Variants in CFAP57 observed in about 807,000 individuals in gnomAD.
CFAP57 encodes cilia and flagella associated protein 57, also known as cilia- and flagella-associated protein 57.
In CFAP57, 116 loss-of-function variants were observed where a neutral mutation model predicts 146.8. The observed-to-expected ratio is 0.79, with a 90% confidence interval of 0.68 to 0.92. CFAP57 has a LOEUF of 0.92. Among genes scored for constraint, CFAP57 ranks in the 40% least tolerant of loss-of-function variants. The pLI is 0.00. For missense variants in CFAP57, 1,377 were observed against 1,527.2 expected, an observed-to-expected ratio of 0.90 and a Z score of 1.64; for synonymous variants, 518 against 552.8, an observed-to-expected ratio of 0.94 and a Z score of 0.88.
intron 2 of CFAP57, among the ~76,000 whole-genome samples, chr1:43,173,923 T>C (rs1039001524): frequency 1.3e-5 from 2 of 152,196 alleles, no homozygotes; most frequent in African/African-American, 4.8e-5. Context: ...TGCCAACCCT[T>C]GGTATTGTCC....
chr1:43,219,035 G>C (rs1352151578), intron 12 of CFAP57, among the ~76,000 whole-genome samples: 1 of 152,208 alleles, frequency 6.6e-6, no homozygotes, highest in Non-Finnish European at 1.5e-5. Flanking sequence ...AAGAAGTAGA[G>C]CAGAGTAAGA....
At position 43,219,533 on chromosome 1, in the gene CFAP57, A is replaced by T; in HGVS notation, c.2243A>T (p.Asn748Ile). ...GAAATGGAGTCCTTGAAAACAAAAA[A>T]CCAGGTCTGTTTAAGAGACTGACCA... ...IQEMESLKTKNQVLRTEKEKQ... is the reference protein window; with the variant it reads ...IQEMESLKTKIQVLRTEKEKQ... The change falls in exon 13 of 23, where the codon AAC becomes ATC. Residue 748 changes from asparagine (N) to isoleucine (I), a missense_variant. Coordinates refer to ENST00000372492, the MANE Select transcript of CFAP57 (RefSeq NM_001378189.1). The T allele has an allele frequency of 6.4e-7, 1 of 1,550,498 alleles. No homozygotes were observed.
At chr1:43,184,920 C>T (rs977215317) in intron 4 of CFAP57, 7 of 521,114 alleles carry the variant, frequency 1.3e-5, no homozygotes, top group African/African-American at 9.6e-5. Flanking sequence ...TCCTCTACAA[C>T]TCTCGCCTCT....
rs780257889 is a variant in CFAP57, at chr1:43,234,575, T to C, written c.3342T>C (p.Thr1114=). 5.8e-6 allele frequency: 9 copies of C among 1,550,272 alleles called. No individual in the cohort carries two copies. Among genetic ancestry groups the C allele is most frequent in the East Asian group, 2.4e-5 (1 of 40,906 alleles). The change falls in exon 21 of 23, where the codon ACT becomes ACC. Residue 1114 remains threonine (T), a synonymous_variant. Transcript: ENST00000372492. Reference sequence around the variant, plus strand: ...AGCACCTGGAGAGGAACCTGGCCACTCTCAAGAAGAAGGTGGTCAAGGAGG... The same window carrying C: ...AGCACCTGGAGAGGAACCTGGCCACCCTCAAGAAGAAGGTGGTCAAGGAGG... The part of the protein sequence containing the change: ...QREHLERNLA[T]LKKKVVKEGE...
rs1190648434 is a variant in CFAP57, at chr1:43,202,782, C to CA, written c.1542+3289dup. Among the ~76,000 whole-genome samples, 973 of 124,812 alleles carry CA rather than the reference C, an allele frequency of 7.8e-3. 11 individuals are homozygous for CA. Among genetic ancestry groups the CA allele is most frequent in the African/African-American group, 0.027 (871 of 32,560 alleles). The allele number at this position is 124,812 out of a possible 152,430, so 81.9% of individuals were successfully genotyped here. Reference sequence around the variant, plus strand: ...TGGGTAACAGAGTGAGACCCTACCTCAAAAAAAAAACAAAATGAAAAAAAA... The same window carrying CA: ...TGGGTAACAGAGTGAGACCCTACCTCAAAAAAAAAAACAAAATGAAAAAAAA... On this transcript the variant is annotated intron_variant, in intron 9 of 22. Transcript: ENST00000372492.
At chr1:43,213,173 C>T (rs529326464) in intron 11 of CFAP57, among the ~76,000 whole-genome samples, 8 of 152,176 alleles carry the variant, frequency 5.3e-5, no homozygotes, top group African/African-American at 1.4e-4. Flanking sequence ...CTGCAACCAC[C>T]GCCTCCTGGG....
intron 21 of CFAP57, among the ~76,000 whole-genome samples, chr1:43,235,127 T>C (rs1408828193): frequency 1.3e-5 from 2 of 152,176 alleles, no homozygotes; most frequent in Non-Finnish European, 2.9e-5. Context: ...ACGCCTCATC[T>C]GATTTTTCTG....
At chr1:43,192,538 G>A (rs563060226) in intron 6 of CFAP57, among the ~76,000 whole-genome samples, 8 of 152,138 alleles carry the variant, frequency 5.3e-5, no homozygotes, top group East Asian at 1.9e-4. Context: ...CAGGAGAATC[G>A]CTTGAACCCA....
At position 43,173,055 on chromosome 1, in the gene CFAP57, C is replaced by A. The variant is rs1645038275; in HGVS notation, c.157+145C>A. ...TAAATGTAGAGGAAATAAATGGCGA[C>A]TTGTATTATGAAACTAGATTAATCA... On this transcript the variant is annotated intron_variant, in intron 2 of 22. Coordinates refer to ENST00000372492, the MANE Select transcript of CFAP57 (RefSeq NM_001378189.1). The A allele has an allele frequency of 2.5e-5, 18 of 708,914 alleles. No homozygotes were observed. In the South Asian group the frequency reaches 2.8e-4, roughly 11 times the overall value. The allele number at this position is 708,914 out of a possible 1,614,324, so 43.9% of individuals were successfully genotyped here.
At position 43,210,434 on chromosome 1, in the gene CFAP57, G is replaced by A. The variant is rs1175094696; in HGVS notation, c.1929+518G>A. The stretch of plus-strand genomic sequence containing the variant: ...ATGTGGAAGCAACCAAGCATCCATC[G>A]ACAGACGAATGCATAAGCAAAAGAT... On this transcript the variant is annotated intron_variant, in intron 11 of 22. Transcript: ENST00000372492. 18 of 1,143,992 alleles carry A rather than the reference G, an allele frequency of 1.6e-5. No individual in the cohort carries two copies. The East Asian group carries it at 2.7e-4, about 17-fold the overall frequency. 70.9% of individuals were successfully genotyped at this position (1,143,992 alleles called of 1,614,324 possible).
intron 22 of CFAP57, among the ~76,000 whole-genome samples, chr1:43,248,184 A>T (rs914981805): frequency 6.6e-5 from 10 of 151,654 alleles, no homozygotes; most frequent in African/African-American, 1.2e-4. Flanking sequence ...CCAGGACAAA[A>T]ATTCATCATA....
At position 43,185,283 on chromosome 1, in the gene CFAP57, C is replaced by T. The variant is rs1331230385; in HGVS notation, c.896C>T (p.Ala299Val). 1 of 1,613,968 alleles carries T rather than the reference C, an allele frequency of 6.2e-7. No homozygotes were observed. The highest frequency in any genetic ancestry group is 1.3e-5 in the African/African-American group (1 of 74,880). Residue 299 changes from alanine to valine, a missense_variant, in exon 5 of 23, where the codon GCT (alanine) becomes GTT (valine). Coordinates refer to ENST00000372492, the MANE Select transcript of CFAP57 (RefSeq NM_001378189.1). ...TATTCAAAGGGATTTGCCTGTTCTG[C>T]TGGGCCAGGGAGAGTTCTGCTGTTT... ...AAYSKGFACS[A>V]GPGRVLLFEK...
intron 14 of CFAP57, 35 bp downstream of exon 14, chr1:43,221,500 T>C (rs1240043488): frequency 1.4e-6 from 2 of 1,413,590 alleles, no homozygotes; most frequent in Middle Eastern, 1.8e-4. Flanking sequence ...TTGGTTAGGG[T>C]TGGAAGAGCT....
rs541261430 is a variant in CFAP57, at chr1:43,187,196, A to G, written c.1122+337A>G. Among the ~76,000 whole-genome samples, 41 of 152,342 alleles carry G rather than the reference A, an allele frequency of 2.7e-4. 1 individual carries two copies. The South Asian group carries it at 7.5e-3, about 28-fold the overall frequency. Reference sequence around the variant, plus strand: ...TGTACACAAATATGTATATATAAAAATGTTTCTTTTTCCTTTTTACTGTTT... The same window carrying G: ...TGTACACAAATATGTATATATAAAAGTGTTTCTTTTTCCTTTTTACTGTTT... On this transcript the variant is annotated intron_variant, in intron 6 of 22. Coordinates refer to ENST00000372492, the MANE Select transcript of CFAP57 (RefSeq NM_001378189.1).
At chr1:43,196,825 TA>T (rs1474466309) in intron 6 of CFAP57, among the ~76,000 whole-genome samples, 1 of 152,204 alleles carries the variant, frequency 6.6e-6, no homozygotes, top group African/African-American at 2.4e-5. Flanking sequence ...TCCAGATCCT[TA>T]AAAATCATTC....
chr1:43,223,006 C>A lies in CFAP57; in HGVS notation c.2706+9C>A. 6.5e-7 allele frequency: 1 copy of A among 1,545,276 alleles called. No homozygotes were observed. The highest frequency in any genetic ancestry group is 8.7e-7 in the Non-Finnish European group (1 of 1,144,224). ...GCATCATGAGGAAGAAGGTAGCAGG[C>A]TGTTCTCCAAGAGACCTAGGGTGGG... On this transcript the variant is annotated intron_variant, in intron 16 of 22. Coordinates refer to ENST00000372492, the MANE Select transcript of CFAP57 (RefSeq NM_001378189.1).
chr1:43,243,429 TC>T, intron 22 of CFAP57, 70 bp downstream of exon 22: 1 of 1,421,480 alleles, frequency 7.0e-7, no homozygotes, highest in Admixed American at 2.7e-5. Flanking sequence ...CAGGCAGGTC[TC>T]CCTTTGGCTT....
chr1:43,232,634 T>C lies in CFAP57; in HGVS notation c.3126+10T>C, dbSNP rs765039099. 6.7e-5 allele frequency: 101 copies of C among 1,513,694 alleles called. No individual in the cohort carries two copies. Among genetic ancestry groups the C allele is most frequent in the Non-Finnish European group, 8.7e-5 (98 of 1,120,880 alleles). The allele number at this position is 1,513,694 out of a possible 1,614,324, so 93.8% of individuals were successfully genotyped here. A position where few individuals can be genotyped will look rare whatever the true frequency, so the allele number is the denominator to read the frequency against. On this transcript the variant is annotated intron_variant, in intron 19 of 22. Coordinates refer to ENST00000372492, the MANE Select transcript of CFAP57 (RefSeq NM_001378189.1). Reference sequence around the variant, plus strand: ...CAGAGAGAGACAGAAGGTGTGAGGGTTTCAGAGTCTGGCAGTTCTTGGATT... The same window carrying C: ...CAGAGAGAGACAGAAGGTGTGAGGGCTTCAGAGTCTGGCAGTTCTTGGATT...
chr1:43,210,125 C>T (rs777692350), intron 11 of CFAP57: 155 of 1,608,792 alleles, frequency 9.6e-5, no homozygotes, highest in Non-Finnish European at 1.3e-4. Context: ...ATCAGAGATA[C>T]ACCTAAAAAT....
Sources: gnomAD v4.1 joint callset for allele counts (sites outside exome capture counted in the v4.1 genomes callset) on GRCh38, gnomAD v4.1.1 for gene constraint, MANE v1.5 for transcripts, NCBI Gene and HGNC (gene_info 2026-07-23, HGNC 2026-07-21) for gene names.